The following TRAF3IP1 variants were observed in gnomAD, a reference collection of about 807,000 sequenced individuals.
The protein encoded by TRAF3IP1 is TRAF3-interacting protein 1.
TRAF3IP1 carries 53 observed loss-of-function variants against 89.9 expected under a neutral mutation model. The observed-to-expected ratio is 0.59, with a 90% CI of 0.47 to 0.74. TRAF3IP1 has a LOEUF of 0.74. Among genes scored for constraint, TRAF3IP1 ranks in the 30% least tolerant of loss-of-function variants. The probability of loss-of-function intolerance (pLI) is 0.00; values close to 1 mark genes in which losing one functional copy is unlikely to be tolerated. For missense variants in TRAF3IP1, 806 were observed against 866.1 expected (o/e 0.93, Z 0.87); for synonymous variants, 311 against 322.1 (o/e 0.97, Z 0.37).
chr2:238,341,459 A>AC (rs1458482392), intron 8 of TRAF3IP1, among the ~76,000 whole-genome samples: 1 of 151,900 alleles, frequency 6.6e-6, no homozygotes, highest in Non-Finnish European at 1.5e-5. Flanking sequence ...GTCTAACTGA[A>AC]CTCAGTTATT....
rs372369730 is a variant in TRAF3IP1, at chr2:238,325,901, C to G, written c.285C>G (p.Ile95Met). 6.2e-7 allele frequency: 1 copy of G among 1,614,188 alleles called. No individual in the cohort carries two copies. The highest frequency in any genetic ancestry group is 8.5e-7 in the Non-Finnish European group (1 of 1,180,040). ...GEPLLAKPAR[I>M]VAGHEPERTN... is the part of the protein sequence containing the mutation. ...CACTGTTGGCCAAACCAGCCCGAATCGTGGCGGGGCATGAGCCTGAAAGAA... is the reference window on the plus strand; with the variant it reads ...CACTGTTGGCCAAACCAGCCCGAATGGTGGCGGGGCATGAGCCTGAAAGAA... The change falls in exon 3 of 17, where the codon ATC becomes ATG. Residue 95 changes from isoleucine to methionine, a missense_variant. Physicochemically the swap from Ile to Met is conservative, Grantham distance 10 (BLOSUM62 1). This residue lies in a region of TRAF3IP1 where 732 missense variants were observed against 780.5 expected (regional missense o/e 0.94). Transcript: ENST00000373327.
At chr2:238,331,645 G>A (rs113454532) in intron 5 of TRAF3IP1, among the ~76,000 whole-genome samples, 2 of 152,230 alleles carry the variant, frequency 1.3e-5, no homozygotes, top group Non-Finnish European at 2.9e-5. Context: ...CGTGGATCTC[G>A]CATGGTGGTT....
At chr2:238,340,960 C>T (rs1365322442) in intron 8 of TRAF3IP1, among the ~76,000 whole-genome samples, 3 of 152,004 alleles carry the variant, frequency 2.0e-5, no homozygotes, top group African/African-American at 7.3e-5. Context: ...CGGGTTCAAG[C>T]GATTCTTCTG....
chr2:238,373,959 T>C (rs1419149206), intron 15 of TRAF3IP1, among the ~76,000 whole-genome samples: 1 of 152,200 alleles, frequency 6.6e-6, no homozygotes, highest in Non-Finnish European at 1.5e-5. Flanking sequence ...GGAATTCTTC[T>C]GATTTTTGCA....
At chr2:238,392,360 T>C (rs1701029137) in intron 15 of TRAF3IP1, among the ~76,000 whole-genome samples, 1 of 152,142 alleles carries the variant, frequency 6.6e-6, no homozygotes, top group African/African-American at 2.4e-5. Context: ...CAAAGATCCC[T>C]CTTGTTGCCT....
rs563042145 is a variant in TRAF3IP1 at position 238,367,560 on chromosome 2, C to T, written c.1689+11480C>T. ...GGGTCCCCTTAGCATGTGGTGGTGG[C>T]TGTGACAGCTCTTGCTCCTCGTGGG... is the stretch of plus-strand genomic sequence containing the variant. On this transcript the variant is annotated intron_variant, in intron 15 of 16. Transcript: ENST00000373327. Among the ~76,000 whole-genome samples, 11 of 152,348 alleles carry T rather than the reference C, an allele frequency of 7.2e-5. No homozygotes were observed. In the South Asian group the frequency reaches 1.9e-3, roughly 26 times the overall value.
intron 8 of TRAF3IP1, among the ~76,000 whole-genome samples, chr2:238,339,746 C>T (rs931373586): frequency 3.3e-5 from 5 of 152,370 alleles, no homozygotes; most frequent in East Asian, 3.9e-4. Flanking sequence ...AGGCACGCCG[C>T]GGTCTAACCC....
chr2:238,355,154 C>A (rs956294946), intron 14 of TRAF3IP1, among the ~76,000 whole-genome samples: 1 of 152,214 alleles, frequency 6.6e-6, no homozygotes, highest in African/African-American at 2.4e-5. Context: ...TAAGATAATT[C>A]GCATGATTTT....
intron 3 of TRAF3IP1, among the ~76,000 whole-genome samples, chr2:238,327,854 C>T (rs1158919734): frequency 6.6e-6 from 1 of 152,152 alleles, no homozygotes; most frequent in Non-Finnish European, 1.5e-5. Flanking sequence ...ATTTTTTTGA[C>T]TGGCTTATTT....
intron 14 of TRAF3IP1, 34 bp downstream of exon 14, chr2:238,353,243 A>G (rs757373051): frequency 2.5e-6 from 4 of 1,612,378 alleles, no homozygotes; most frequent in African/African-American, 2.7e-5. Context: ...ATGTATGTCC[A>G]TGTGTGTGTG....
intron 15 of TRAF3IP1, among the ~76,000 whole-genome samples, chr2:238,380,408 C>T (rs1167225813): frequency 6.6e-6 from 1 of 152,166 alleles, no homozygotes; most frequent in East Asian, 1.9e-4. Context: ...GGTCCTCTCC[C>T]CCGGGTCCCT....
chr2:238,348,695 T>C (rs1162191763), intron 10 of TRAF3IP1, 69 bp from the exon 11 acceptor site: 99 of 1,321,992 alleles, frequency 7.5e-5, no homozygotes, highest in Non-Finnish European at 1.0e-4. Flanking sequence ...CAGATGCAAA[T>C]AGTATTTTCA....
At chr2:238,369,519 C>T (rs1282362042) in intron 15 of TRAF3IP1, among the ~76,000 whole-genome samples, 1 of 152,114 alleles carries the variant, frequency 6.6e-6, no homozygotes, top group African/African-American at 2.4e-5. Flanking sequence ...TTGAACAGTA[C>T]AGCTATTTTC....
intron 8 of TRAF3IP1, among the ~76,000 whole-genome samples, chr2:238,339,893 T>G (rs1698556185): frequency 6.6e-6 from 1 of 152,226 alleles, no homozygotes; most frequent in Non-Finnish European, 1.5e-5. Context: ...GTAGGTAATA[T>G]CAACAAGTGT....
At chr2:238,398,682 A>C in intron 16 of TRAF3IP1, 72 bp from the exon 17 acceptor site, 1 of 1,375,178 alleles carries the variant, frequency 7.3e-7, no homozygotes. Context: ...GTTGTCTTTC[A>C]ATGTCTTAAT....
chr2:238,358,501 A>C (rs936205667), intron 15 of TRAF3IP1, among the ~76,000 whole-genome samples: 2 of 152,100 alleles, frequency 1.3e-5, no homozygotes, highest in Admixed American at 6.5e-5. Flanking sequence ...GCACTGCTGC[A>C]CTCCAGCTTG....
intron 15 of TRAF3IP1, among the ~76,000 whole-genome samples, chr2:238,393,475 G>A (rs1230404528): frequency 1.3e-5 from 2 of 152,110 alleles, no homozygotes; most frequent in East Asian, 1.9e-4. Context: ...TGCTCATTCT[G>A]TGACTTACCT....
Position 238,398,758 on chromosome 2 carries a change from A to G in TRAF3IP1, c.1915A>G (p.Thr639Ala), listed in dbSNP as rs757692069. The G allele has an allele frequency of 2.5e-6, 4 of 1,594,256 alleles. No homozygotes were observed. Among genetic ancestry groups the G allele is most frequent in the Non-Finnish European group, 3.4e-6 (4 of 1,174,610 alleles). ...AEALQQEQRI[T>A]DCAVEPLKAE... The stretch of plus-strand genomic sequence containing the variant: ...GCTGGTTTTGTTCTCCCTCAGGATC[A>G]CAGACTGTGCCGTGGAGCCCTTAAA... Residue 639 changes from threonine (T) to alanine (A), a missense_variant, in exon 17 of 17, where the codon ACA becomes GCA. Transcript: ENST00000373327.
In TRAF3IP1 at chr2:238,383,791, A is replaced by G. The variant is rs547560038; in HGVS notation, c.1690-13668A>G. Among the ~76,000 whole-genome samples, 8 of 152,310 alleles carry G rather than the reference A, an allele frequency of 5.3e-5. No homozygotes were observed. In the South Asian group the frequency reaches 8.3e-4, roughly 16 times the overall value. ...ACTTTTCATGTTGCAAATTGAGGTG[A>G]ATAACTTTTTGTTTGTGCTAGTTGC... On this transcript the variant is annotated intron_variant, in intron 15 of 16. Coordinates refer to ENST00000373327, the MANE Select transcript of TRAF3IP1 (RefSeq NM_015650.4).
Sources: gnomAD v4.1 joint callset for allele counts (sites outside exome capture counted in the v4.1 genomes callset) on GRCh38, gnomAD v4.1.1 for gene constraint, gnomAD v4.1.1 regional missense constraint, MANE v1.5 for transcripts, NCBI Gene and HGNC (gene_info 2026-07-23, HGNC 2026-07-21) for gene names.